The following FKBP5 variants were observed in gnomAD, a reference collection of about 807,000 sequenced individuals.
FKBP5 encodes the protein FKBP prolyl isomerase 5.
A neutral mutation model predicts 50.5 loss-of-function variants in FKBP5; 23 were observed. The ratio of observed to expected loss-of-function variants is 0.46; its 90% CI spans 0.33 to 0.65. The LOEUF (loss-of-function observed/expected upper bound fraction) is 0.65, where lower values mean the gene tolerates loss of function less well. FKBP5 is among the 30% of genes least tolerant of loss of function. The probability of loss-of-function intolerance (pLI) is 0.02; values close to 1 mark genes in which losing one functional copy is unlikely to be tolerated. For missense variants in FKBP5, 411 were observed against 553.1 expected, an observed-to-expected ratio of 0.74 and a Z score of 2.58; for synonymous variants, 176 against 190.6, an observed-to-expected ratio of 0.92 and a Z score of 0.63.
chr6:35,656,921 A>C (rs1439232395), intron 1 of FKBP5, among the ~76,000 whole-genome samples: 4 of 149,612 alleles, frequency 2.7e-5, no homozygotes, highest in African/African-American at 9.9e-5. Context: ...AAAAAAGAAA[A>C]AGAAAAAAAG....
intron 2 of FKBP5, among the ~76,000 whole-genome samples, chr6:35,695,836 G>T (rs1050367861): frequency 1.3e-5 from 2 of 152,134 alleles, no homozygotes; most frequent in African/African-American, 4.8e-5. Flanking sequence ...AACAAACATT[G>T]TTGAAAGAAA....
chr6:35,691,887 G>C (rs998173990), upstream of FKBP5, among the ~76,000 whole-genome samples: 9 of 152,118 alleles, frequency 5.9e-5, no homozygotes, highest in Non-Finnish European at 1.0e-4. Context: ...GTAGTACACA[G>C]GGCCGTGTAC....
intron 3 of FKBP5, among the ~76,000 whole-genome samples, chr6:35,636,017 T>C (rs1362748477): frequency 6.6e-6 from 1 of 152,264 alleles, no homozygotes; most frequent in Non-Finnish European, 1.5e-5. Flanking sequence ...GAACTTTTCA[T>C]ACTGTTACAT....
intron 3 of FKBP5, among the ~76,000 whole-genome samples, chr6:35,624,256 G>A (rs1763928812): frequency 6.6e-6 from 1 of 152,176 alleles, no homozygotes; most frequent in Admixed American, 6.5e-5. Flanking sequence ...TTATTCTCCT[G>A]TGGGACATAA....
intron 1 of FKBP5, among the ~76,000 whole-genome samples, chr6:35,654,550 T>G (rs186727499): frequency 9.2e-5 from 14 of 152,356 alleles, no homozygotes; most frequent in African/African-American, 3.4e-4. Flanking sequence ...TACTTACTGC[T>G]GTTTTACCCC....
At chr6:35,604,673 CTGT>C (rs1385890244) in intron 5 of FKBP5, among the ~76,000 whole-genome samples, 1 of 152,140 alleles carries the variant, frequency 6.6e-6, no homozygotes, top group African/African-American at 2.4e-5. Flanking sequence ...TAGCTAGATA[CTGT>C]TGTTGTTCTC....
chr6:35,586,322 AG>A (rs1447932839), intron 8 of FKBP5: 7 of 985,170 alleles, frequency 7.1e-6, no homozygotes, highest in Non-Finnish European at 8.4e-6. Flanking sequence ...AATATCATTC[AG>A]GAATATCCGG....
At chr6:35,690,238 A>G (rs1453173618), upstream of FKBP5, among the ~76,000 whole-genome samples, 1 of 152,086 alleles carries the variant, frequency 6.6e-6, no homozygotes, top group African/African-American at 2.4e-5. Context: ...GGAGGCCGAG[A>G]TGGGCGGATC....
intron 8 of FKBP5, 42 bp from the exon 9 acceptor site, chr6:35,580,263 G>C (rs1762383821): frequency 6.6e-7 from 1 of 1,506,396 alleles, no homozygotes; most frequent in Non-Finnish European, 9.1e-7. Flanking sequence ...AGCTCTTGAG[G>C]GGGTACAAAA....
At chr6:35,696,471 C>G (rs1766083244) in intron 2 of FKBP5, among the ~76,000 whole-genome samples, 1 of 150,234 alleles carries the variant, frequency 6.7e-6, no homozygotes, top group South Asian at 2.1e-4. Flanking sequence ...GAGATCATGC[C>G]ACTGTACTCC....
rs974171582 is a variant in FKBP5, at chr6:35,688,376, G to A, written c.-20+428C>T. ...CCGCAGCGGTGCCGGCTGAGGGTCC[G>A]GCCGCCTGTCCGGGGAGAGCCGGGG... is the stretch of plus-strand genomic sequence containing the variant. On this transcript the variant is annotated intron_variant, in intron 1 of 10. Coordinates refer to ENST00000357266, the MANE Select transcript of FKBP5 (RefSeq NM_004117.4). 3.3e-5 allele frequency among the ~76,000 whole-genome samples: 5 copies of A among 152,044 alleles called. No homozygotes were observed. The East Asian group carries it at 7.7e-4, about 23-fold the overall frequency.
At chr6:35,622,760 G>C (rs192939092) in intron 3 of FKBP5, among the ~76,000 whole-genome samples, 164 of 152,172 alleles carry the variant, frequency 1.1e-3, no homozygotes, top group African/African-American at 3.7e-3. Flanking sequence ...CAGTAGAAAG[G>C]AGGATGTACA....
At position 35,605,383 on chromosome 6, in the gene FKBP5, CTTTTTTTTT is replaced by C. The variant is rs1158530509; in HGVS notation, c.509-7988_509-7980del. Among the ~76,000 whole-genome samples the C allele has an allele frequency of 6.6e-3, 346 of 52,302 alleles. 5 individuals are homozygous for C. The highest frequency in any genetic ancestry group is 0.023 in the African/African-American group (320 of 14,204). 34.3% of individuals were successfully genotyped at this position (52,302 alleles called of 152,430 possible). Reference sequence around the variant, plus strand: ...TAATAAGAGCCACCTATGACAATATCTTTTTTTTTTTTTTTTTTTTTTTTTTTTTTGAGA... The same window carrying C: ...TAATAAGAGCCACCTATGACAATATCTTTTTTTTTTTTTTTTTTTTTGAGA... On this transcript the variant is annotated intron_variant, in intron 5 of 10. Coordinates refer to ENST00000357266, the MANE Select transcript of FKBP5 (RefSeq NM_004117.4).
intron 3 of FKBP5, among the ~76,000 whole-genome samples, chr6:35,626,042 G>A (rs1763989685): frequency 6.6e-6 from 1 of 152,110 alleles, no homozygotes; most frequent in Admixed American, 6.5e-5. Flanking sequence ...GCCTCCCAAA[G>A]TGCTGGGATT....
chr6:35,680,373 T>C (rs998617501), intron 1 of FKBP5, among the ~76,000 whole-genome samples: 2 of 152,194 alleles, frequency 1.3e-5, no homozygotes, highest in Non-Finnish European at 2.9e-5. Flanking sequence ...CAGGCTGCAG[T>C]GAGCTATGAT....
intron 7 of FKBP5, among the ~76,000 whole-genome samples, chr6:35,590,448 C>T (rs1227626512): frequency 1.3e-5 from 2 of 152,166 alleles, no homozygotes; most frequent in Non-Finnish European, 2.9e-5. Flanking sequence ...ATACCTAGCT[C>T]AGGTATATGC....
chr6:35,635,654 T>C (rs1472099397), intron 3 of FKBP5, among the ~76,000 whole-genome samples: 1 of 152,104 alleles, frequency 6.6e-6, no homozygotes, highest in Non-Finnish European at 1.5e-5. Flanking sequence ...CATGTTAATA[T>C]AAGTAATTTA....
At chr6:35,646,296 G>A (rs1035928792) in intron 1 of FKBP5, among the ~76,000 whole-genome samples, 1 of 152,180 alleles carries the variant, frequency 6.6e-6, no homozygotes, top group African/African-American at 2.4e-5. Context: ...CACTTCAAGG[G>A]ATGCAAGTCA....
intron 1 of FKBP5, among the ~76,000 whole-genome samples, chr6:35,672,259 G>C (rs1490765563): frequency 6.6e-6 from 1 of 151,974 alleles, no homozygotes; most frequent in Non-Finnish European, 1.5e-5. Context: ...ATCAGAAAAG[G>C]GGGGAAAAAA....
Sources: allele counts gnomAD v4.1 joint callset (sites outside exome capture counted in the v4.1 genomes callset), GRCh38; gene constraint gnomAD v4.1.1; transcripts MANE v1.5; gene names NCBI Gene and HGNC (gene_info 2026-07-23, HGNC 2026-07-21).